Variants in NELL1 observed in about 807,000 individuals in gnomAD.
NELL1 encodes protein kinase C-binding protein NELL1.
A neutral mutation model predicts 107.4 loss-of-function variants in NELL1; 76 were observed. The observed-to-expected ratio is 0.71, with a 90% CI of 0.59 to 0.86. The LOEUF (loss-of-function observed/expected upper bound fraction) is 0.86, where lower values mean the gene tolerates loss of function less well. Ranked by LOEUF, NELL1 falls within the 40% of genes least tolerant of loss-of-function variation. NELL1 has a pLI of 0.00. For missense variants in NELL1, 1,024 were observed against 1,005.5 expected (o/e 1.02, Z -0.25); for synonymous variants, 353 against 341.2 (o/e 1.03, Z -0.38).
intron 2 of NELL1, among the ~76,000 whole-genome samples, chr11:20,752,978 C>T (rs1054286865): frequency 2.6e-5 from 4 of 152,198 alleles, no homozygotes; most frequent in Non-Finnish European, 5.9e-5. Context: ...GACACACACA[C>T]ACACTTTTCC....
intron 14 of NELL1, among the ~76,000 whole-genome samples, chr11:21,327,963 A>C (rs1850182990): frequency 6.6e-6 from 1 of 152,126 alleles, no homozygotes. Flanking sequence ...GTTCAAGAGG[A>C]AGCAGAGCAT....
At chr11:21,285,557 C>T (rs1404339431) in intron 14 of NELL1, among the ~76,000 whole-genome samples, 1 of 152,180 alleles carries the variant, frequency 6.6e-6, no homozygotes, top group African/African-American at 2.4e-5. Context: ...GAATTTTCTC[C>T]AGTGTTCTGT....
chr11:20,864,200 TTGTA>T (rs1456555848), intron 4 of NELL1, among the ~76,000 whole-genome samples: 15 of 152,256 alleles, frequency 9.9e-5, no homozygotes, highest in Admixed American at 7.2e-4. Flanking sequence ...AAATAGAAAA[TTGTA>T]TGTATTTATT....
At chr11:21,478,344 C>T (rs913076960) in intron 15 of NELL1, among the ~76,000 whole-genome samples, 1 of 152,070 alleles carries the variant, frequency 6.6e-6, no homozygotes, top group East Asian at 1.9e-4. Context: ...ATCATTCTGC[C>T]CCTGGTCTCT....
chr11:21,242,636 A>T (rs1340895457), intron 14 of NELL1, among the ~76,000 whole-genome samples: 4 of 152,100 alleles, frequency 2.6e-5, no homozygotes, highest in African/African-American at 9.7e-5. Context: ...CACTGTAAAG[A>T]TCTCTTGTAG....
intron 2 of NELL1, among the ~76,000 whole-genome samples, chr11:20,772,942 T>A (rs1856668753): frequency 6.6e-6 from 1 of 152,218 alleles, no homozygotes; most frequent in Non-Finnish European, 1.5e-5. Flanking sequence ...AATTAGCATA[T>A]ATAAAGTCCT....
At chr11:21,376,734 G>A (rs1471833123) in intron 15 of NELL1, among the ~76,000 whole-genome samples, 1 of 152,038 alleles carries the variant, frequency 6.6e-6, no homozygotes, top group East Asian at 1.9e-4. Context: ...TTATAGCAGT[G>A]CTTTGTAGTT....
intron 15 of NELL1, among the ~76,000 whole-genome samples, chr11:21,448,926 G>A (rs772311782): frequency 6.6e-6 from 1 of 152,088 alleles, no homozygotes; most frequent in African/African-American, 2.4e-5. Context: ...GTATTCCATT[G>A]TATGGCTATA....
intron 12 of NELL1, among the ~76,000 whole-genome samples, chr11:20,969,737 G>A (rs900796547): frequency 1.3e-4 from 20 of 151,908 alleles, no homozygotes; most frequent in African/African-American, 4.1e-4. Flanking sequence ...TTTAGCAGCC[G>A]GGTAACATTG....
chr11:21,295,932 T>G (rs10833497), intron 14 of NELL1, among the ~76,000 whole-genome samples: 1 of 152,068 alleles, frequency 6.6e-6, no homozygotes, highest in East Asian at 1.9e-4. Context: ...TAAAAACCAA[T>G]TCAGCCTGAG....
intron 2 of NELL1, among the ~76,000 whole-genome samples, chr11:20,686,820 G>A (rs1173951581): frequency 6.6e-6 from 1 of 152,042 alleles, no homozygotes; most frequent in Non-Finnish European, 1.5e-5. Context: ...TCCAAGTAGA[G>A]AAGCTGACCA....
chr11:21,059,014 C>T (rs1376592896), intron 12 of NELL1, among the ~76,000 whole-genome samples: 1 of 152,064 alleles, frequency 6.6e-6, no homozygotes, highest in African/African-American at 2.4e-5. Flanking sequence ...TCATTTTTTT[C>T]TGATCTTCTC....
chr11:20,746,097 G>T (rs1590254686), intron 2 of NELL1, among the ~76,000 whole-genome samples: 1 of 152,154 alleles, frequency 6.6e-6, no homozygotes, highest in African/African-American at 2.4e-5. Context: ...AACAGTGACA[G>T]AGCCCCACTA....
At chr11:20,679,695 T>A (rs1854144670) in intron 2 of NELL1, among the ~76,000 whole-genome samples, 1 of 152,134 alleles carries the variant, frequency 6.6e-6, no homozygotes, top group Non-Finnish European at 1.5e-5. Flanking sequence ...TAGCAACAAC[T>A]CATGCTGATA....
At chr11:21,452,063 A>C (rs565254106) in intron 15 of NELL1, among the ~76,000 whole-genome samples, 1 of 152,322 alleles carries the variant, frequency 6.6e-6, no homozygotes, top group Non-Finnish European at 1.5e-5. Context: ...TCTCACAAAT[A>C]ATTTAGTGCC....
chr11:20,925,137 G>A (rs543910959), intron 7 of NELL1, among the ~76,000 whole-genome samples: 20 of 152,244 alleles, frequency 1.3e-4, no homozygotes, highest in African/African-American at 4.3e-4. Flanking sequence ...TCTGCAAGTG[G>A]CCAAACCATA....
intron 13 of NELL1, among the ~76,000 whole-genome samples, chr11:21,171,437 A>G (rs1482897014): frequency 6.6e-6 from 1 of 151,798 alleles, no homozygotes; most frequent in Non-Finnish European, 1.5e-5. Flanking sequence ...ATGTCTGTAT[A>G]TTTTTTAACG....
At chr11:20,812,929 AC>A (rs1168624843) in intron 3 of NELL1, among the ~76,000 whole-genome samples, 3 of 143,046 alleles carry the variant, frequency 2.1e-5, no homozygotes, top group African/African-American at 7.8e-5. Flanking sequence ...AATGGCGTGA[AC>A]CCCAGGGGGC....
intron 12 of NELL1, among the ~76,000 whole-genome samples, chr11:21,057,248 A>G (rs1442488025): frequency 6.6e-6 from 1 of 152,150 alleles, no homozygotes. Context: ...CTAATCAAAT[A>G]TATGCAAACT....
Sources: allele counts gnomAD v4.1 joint callset (sites outside exome capture counted in the v4.1 genomes callset), GRCh38; gene constraint gnomAD v4.1.1; transcripts MANE v1.5; gene names NCBI Gene and HGNC (gene_info 2026-07-23, HGNC 2026-07-21).